RFT1: variants seen among roughly 807,000 people sequenced by gnomAD.
RFT1 encodes man(5)GlcNAc(2)-PP-dolichol translocation protein RFT1.
Under a neutral mutation model 62.2 loss-of-function variants are expected in RFT1, and 43 were observed. That is an observed-to-expected ratio of 0.69 (90% CI 0.54 to 0.89). The LOEUF (loss-of-function observed/expected upper bound fraction) is 0.89. RFT1 is among the 40% of genes least tolerant of loss of function. The pLI, the probability that RFT1 is intolerant of heterozygous loss-of-function variation, is 0.00. For synonymous variants in RFT1, 262 were observed against 264.6 expected, an observed-to-expected ratio of 0.99 and a Z score of 0.10; for missense variants, 605 against 649.9, an observed-to-expected ratio of 0.93 and a Z score of 0.75.
chr3:53,111,017 C>T (rs1030278776), intron 7 of RFT1, among the ~76,000 whole-genome samples: 4 of 152,064 alleles, frequency 2.6e-5, no homozygotes, highest in Non-Finnish European at 5.9e-5. Flanking sequence ...AACTCTCATA[C>T]AAGTGCATTT....
Position 53,090,912 on chromosome 3 carries a change from T to G in RFT1, c.*991A>C, listed in dbSNP as rs1461771234. On this transcript the variant is annotated 3_prime_UTR_variant, in exon 13 of 13. Transcript: ENST00000296292. ...ATGCCTGCCACTCTTGTCCTGGGGC[T>G]GGAATTTGGTTGTATTGATCAATGC... 6.6e-6 allele frequency: 1 copy of G among 152,236 alleles called. No homozygotes were observed. The highest frequency in any genetic ancestry group is 2.4e-5 in the African/African-American group (1 of 41,438). 9.4% of individuals were successfully genotyped at this position (152,236 alleles called of 1,614,324 possible).
chr3:53,070,391 T>TTATG, the RFT1 span, among the ~76,000 whole-genome samples: 1 of 109,706 alleles, frequency 9.1e-6, no homozygotes, highest in Non-Finnish European at 1.9e-5. Context: ...CCCTGTATTA[T>TTATG]GGTTTTTTTT....
the RFT1 span, among the ~76,000 whole-genome samples, chr3:53,077,229 C>T: frequency 1.3e-5 from 2 of 152,122 alleles, no homozygotes; most frequent in Admixed American, 1.3e-4. Context: ...GTAAACTGCC[C>T]AAGATCATGG....
rs1349134363 is a variant in RFT1, at chr3:53,092,404, A to G, written c.1423T>C (p.Phe475Leu). Residue 475 changes from phenylalanine (F) to leucine (L), a missense_variant, in exon 12 of 13, where the codon TTT (phenylalanine) becomes CTT (leucine). Phe to Leu is a conservative substitution (Grantham distance 22). Coordinates refer to ENST00000296292, the MANE Select transcript of RFT1 (RefSeq NM_052859.4). ...LHLSPVLLGT[F>L]ALSGGVTAVS... Reference sequence around the variant, plus strand: ...GCAGTAACCCCACCACTGAGGGCAAATGTCCCGAGCAGGACTGGCGATAGG... The same window carrying G: ...GCAGTAACCCCACCACTGAGGGCAAGTGTCCCGAGCAGGACTGGCGATAGG... 1 of 1,606,220 alleles carries G rather than the reference A, an allele frequency of 6.2e-7. No homozygotes were observed. The highest frequency in any genetic ancestry group is 1.7e-5 in the Admixed American group (1 of 58,380).
intron 7 of RFT1, among the ~76,000 whole-genome samples, chr3:53,110,483 G>A (rs1486805075): frequency 2.6e-5 from 4 of 152,090 alleles, no homozygotes; most frequent in Admixed American, 1.3e-4. Context: ...GCCTCGGAAC[G>A]GTTTCATTTT....
chr3:53,108,340 C>T (rs949692055), intron 7 of RFT1, among the ~76,000 whole-genome samples: 49 of 151,158 alleles, frequency 3.2e-4, no homozygotes, highest in Non-Finnish European at 4.3e-4. Context: ...GTGTGAGCCA[C>T]TGTGCCTGGC....
chr3:53,128,215 T>C (rs1702164769), intron 1 of RFT1, among the ~76,000 whole-genome samples: 1 of 152,044 alleles, frequency 6.6e-6, no homozygotes, highest in Non-Finnish European at 1.5e-5. Flanking sequence ...TGAGAATCTC[T>C]TGGGCCCGGG....
intron 7 of RFT1, among the ~76,000 whole-genome samples, chr3:53,109,381 T>C (rs1382821962): frequency 1.3e-5 from 2 of 152,196 alleles, no homozygotes; most frequent in African/African-American, 4.8e-5. Flanking sequence ...CATAAATGTC[T>C]GTGTCTTTGG....
At chr3:53,069,265 T>C in the RFT1 span, among the ~76,000 whole-genome samples, 3 of 152,208 alleles carry the variant, frequency 2.0e-5, no homozygotes, top group Admixed American at 6.5e-5. Flanking sequence ...TGACCAACTG[T>C]AGGCTAATGT....
downstream of RFT1, among the ~76,000 whole-genome samples, chr3:53,086,439 CT>C (rs1309400094): frequency 3.3e-5 from 5 of 152,122 alleles, no homozygotes; most frequent in Non-Finnish European, 7.4e-5. Flanking sequence ...CCTCAGCCTC[CT>C]GAGTAGCTGG....
chr3:53,130,338 C>T lies in RFT1; in HGVS notation c.63G>A (p.Gln21=), dbSNP rs139372284. The T allele has an allele frequency of 6.4e-7, 1 of 1,568,058 alleles. No homozygotes were observed. The highest frequency in any genetic ancestry group is 1.4e-5 in the African/African-American group (1 of 73,770). The change falls in exon 1 of 13, where the codon CAG becomes CAA. Residue 21 remains glutamine, a splice_region_variant and synonymous_variant. Coordinates refer to ENST00000296292, the MANE Select transcript of RFT1 (RefSeq NM_052859.4). ...CTGGAACCTGAAGGGCAGAGAGTAC[C>T]TGCAGGAGGAGACCGGAGGAGGCCA... ...ARLASSGLLL[Q]VLFRLITFVL...
In RFT1 at chr3:53,121,743, GCA is replaced by G. The variant is rs756814136; in HGVS notation, c.512_513del (p.Val171AlafsTer70). On this transcript the variant is annotated frameshift_variant, in exon 5 of 13. Transcript: ENST00000296292. LOFTEE classifies it high-confidence loss of function. ...TACAATCCCCAGTGAGGCAACCACA[GCA>G]CGAGAAAAGCTGTCAGAACGCTCTT... is the stretch of plus-strand genomic sequence containing the variant. ...ILKSVLTAFL[V>X]LWLPHWGLYI... The G allele has an allele frequency of 1.2e-6, 2 of 1,614,072 alleles. No homozygotes were observed. Among genetic ancestry groups the G allele is most frequent in the South Asian group, 2.2e-5 (2 of 91,056 alleles).
intron 8 of RFT1, among the ~76,000 whole-genome samples, chr3:53,106,134 G>C (rs764920454): frequency 6.6e-6 from 1 of 152,150 alleles, no homozygotes; most frequent in Non-Finnish European, 1.5e-5. Flanking sequence ...TTGGGAGGCT[G>C]AGGTGGGAGG....
the RFT1 span, among the ~76,000 whole-genome samples, chr3:53,070,407 T>TG: frequency 2.9e-5 from 4 of 139,590 alleles, no homozygotes; most frequent in Admixed American, 7.1e-5. Flanking sequence ...TTTTTTTTTT[T>TG]TTTTTTTTTT....
chr3:53,119,028 T>C (rs1007352237), intron 6 of RFT1, among the ~76,000 whole-genome samples: 1 of 151,104 alleles, frequency 6.6e-6, no homozygotes, highest in Admixed American at 6.6e-5. Context: ...CTGGACAACA[T>C]AGTGAGACCC....
At position 53,104,184 on chromosome 3, in the gene RFT1, T is replaced by C; in HGVS notation, c.958-87A>G. ...TTCACGTCTGGCCTTCTCCCTTCAC[T>C]GTTTTACAGTTCACTCTTCCAACAG... On this transcript the variant is annotated intron_variant, in intron 9 of 12. Coordinates refer to ENST00000296292, the MANE Select transcript of RFT1 (RefSeq NM_052859.4). 2 of 1,378,622 alleles carry C rather than the reference T, an allele frequency of 1.5e-6. 1 individual carries two copies. Among genetic ancestry groups the C allele is most frequent in the South Asian group, 2.4e-5 (2 of 82,480 alleles). 85.4% of individuals were successfully genotyped at this position (1,378,622 alleles called of 1,614,324 possible).
At chr3:53,111,970 G>T in intron 6 of RFT1, 62 bp from the exon 7 acceptor site, 1 of 1,328,456 alleles carries the variant, frequency 7.5e-7, no homozygotes, top group Non-Finnish European at 1.1e-6. Flanking sequence ...AGAATGCAAT[G>T]CTACATGAGA....
At chr3:53,127,460 G>A (rs1702137720) in intron 1 of RFT1, among the ~76,000 whole-genome samples, 1 of 152,164 alleles carries the variant, frequency 6.6e-6, no homozygotes, top group Non-Finnish European at 1.5e-5. Flanking sequence ...CCAGCACTTT[G>A]GAAGGCCGAG....
intron 7 of RFT1, among the ~76,000 whole-genome samples, chr3:53,109,543 C>A (rs563600883): frequency 6.6e-6 from 1 of 152,344 alleles, no homozygotes; most frequent in East Asian, 1.9e-4. Context: ...AGCTCAGTGG[C>A]TCATGCCTGT....
Sources: gnomAD v4.1 joint callset for allele counts (sites outside exome capture counted in the v4.1 genomes callset) on GRCh38, gnomAD v4.1.1 for gene constraint, MANE v1.5 for transcripts, NCBI Gene and HGNC (gene_info 2026-07-23, HGNC 2026-07-21) for gene names.